SPTAN1: variants seen among roughly 807,000 people sequenced by gnomAD.
SPTAN1 encodes spectrin alpha, non-erythrocytic 1.
Under a neutral mutation model 331.3 loss-of-function variants are expected in SPTAN1, and 61 were observed. The observed-to-expected ratio is 0.18, with a 90% CI of 0.15 to 0.23. The LOEUF is 0.23. SPTAN1 is among the 10% of genes least tolerant of loss of function. The probability of loss-of-function intolerance (pLI) is 1.00; values close to 1 mark genes in which losing one functional copy is unlikely to be tolerated. For missense variants in SPTAN1, 2,043 were observed against 3,147.9 expected (o/e 0.65, Z 8.40); for synonymous variants, 1,153 against 1,173.9 (o/e 0.98, Z 0.36).
intron 1 of SPTAN1, among the ~76,000 whole-genome samples, chr9:128,564,077 C>T (rs1354807208): frequency 6.6e-6 from 1 of 151,978 alleles, no homozygotes; most frequent in African/African-American, 2.4e-5. Context: ...AGTTCAAGAC[C>T]AGCCTAGGCA....
intron 34 of SPTAN1, 141 bp from the exon 35 acceptor site, chr9:128,608,733 T>G: frequency 1.2e-6 from 1 of 841,498 alleles, no homozygotes; most frequent in Non-Finnish European, 2.0e-6. Context: ...ACACTCTTGC[T>G]TCTAAAGTGT....
chr9:128,585,487 A>G (rs1216976433), intron 18 of SPTAN1, among the ~76,000 whole-genome samples: 1 of 152,150 alleles, frequency 6.6e-6, no homozygotes, highest in Non-Finnish European at 1.5e-5. Flanking sequence ...ACTAGTCTTT[A>G]TGATACTATC....
chr9:128,617,772 G>A lies in SPTAN1; in HGVS notation c.5478+12G>A, dbSNP rs41275900. The A allele has an allele frequency of 1.4e-3, 2,234 of 1,613,634 alleles. 2 individuals are homozygous for A. The highest frequency in any genetic ancestry group is 1.7e-3 in the Non-Finnish European group (2,063 of 1,179,936). On this transcript the variant is annotated intron_variant, in intron 42 of 56. Coordinates refer to ENST00000372739, the MANE Select transcript of SPTAN1 (RefSeq NM_001130438.3). ...AGCCGGCTATTCAGGTAAGGAGGCC[G>A]CCTTCTGGCCAAGAGGGCAGAGGTG...
chr9:128,575,228 C>G lies in SPTAN1; in HGVS notation c.534C>G (p.Gly178=). The change falls in exon 5 of 57, where the codon GGC becomes GGG. Residue 178 remains glycine (G), a synonymous_variant. Coordinates refer to ENST00000372739, the MANE Select transcript of SPTAN1 (RefSeq NM_001130438.3). ...CAATTGTTACTTCTGAAGAGCTGGG[C>G]CAGGATCTGGAGCATGTAGAGGTTT... ...KEAIVTSEEL[G]QDLEHVEVLQ... 1.2e-6 allele frequency: 2 copies of G among 1,614,078 alleles called. No individual in the cohort carries two copies. The highest frequency in any genetic ancestry group is 1.7e-6 in the Non-Finnish European group (2 of 1,180,018).
rs139598593 is a variant in SPTAN1, at chr9:128,565,384, C to T, written c.-3-1354C>T. On this transcript the variant is annotated intron_variant, in intron 1 of 56. Transcript: ENST00000372739. The stretch of plus-strand genomic sequence containing the variant: ...CTTTTATAGTATAAAACATTTTGGA[C>T]TGTGGAAAAACAATAATACAACAAA... Among the ~76,000 whole-genome samples the T allele has an allele frequency of 5.7e-3, 871 of 152,294 alleles. 7 individuals carry two copies. The highest frequency in any genetic ancestry group is 8.6e-3 in the Non-Finnish European group (583 of 68,016).
intron 26 of SPTAN1, chr9:128,599,686 A>T (rs955235707): frequency 0.1 from 646 of 6,412 alleles, 11 homozygotes; most frequent in African/African-American, 0.34. Flanking sequence ...GCACAGCTCT[A>T]AAAAAAAAAA....
At chr9:128,573,557 A>G (rs1850963161) in intron 3 of SPTAN1, among the ~76,000 whole-genome samples, 1 of 152,162 alleles carries the variant, frequency 6.6e-6, no homozygotes, top group South Asian at 2.1e-4. Flanking sequence ...CCCAGGTTCA[A>G]GCAATTCTCC....
Position 128,578,135 on chromosome 9 carries a change from C to G in SPTAN1, c.1111C>G (p.Arg371Gly). 1 of 1,614,160 alleles carries G rather than the reference C, an allele frequency of 6.2e-7. No individual in the cohort carries two copies. The highest frequency in any genetic ancestry group is 8.5e-7 in the Non-Finnish European group (1 of 1,180,022). Residue 371 changes from arginine to glycine, a missense_variant, in exon 9 of 57, where the codon CGT becomes GGT. This residue lies in a region of SPTAN1 where 1,038 missense variants were observed against 1,531.5 expected (regional missense o/e 0.68). Coordinates refer to ENST00000372739, the MANE Select transcript of SPTAN1 (RefSeq NM_001130438.3). ...GCTTCAACGCTTCCTTGCTGACTTC[C>G]GTGACCTCACCAGCTGGGTGACTGA... ...YRLQRFLADF[R>G]DLTSWVTEMK...
intron 24 of SPTAN1, among the ~76,000 whole-genome samples, chr9:128,595,051 C>T (rs1297994137): frequency 3.3e-5 from 5 of 151,742 alleles, no homozygotes; most frequent in Non-Finnish European, 4.4e-5. Flanking sequence ...CTCAGGTGAT[C>T]CGCCTGCCTC....
chr9:128,563,086 C>T (rs1849612034), intron 1 of SPTAN1, among the ~76,000 whole-genome samples: 1 of 148,310 alleles, frequency 6.7e-6, no homozygotes, highest in South Asian at 2.1e-4. Flanking sequence ...AAGGTCACTC[C>T]CAGTTTTTGG....
intron 37 of SPTAN1, 125 bp from the exon 38 acceptor site, chr9:128,611,589 A>G: frequency 1.8e-6 from 2 of 1,103,462 alleles, no homozygotes; most frequent in Non-Finnish European, 2.7e-6. Context: ...CTTCTGTTAA[A>G]AACGTTGGCA....
Position 128,633,454 on chromosome 9 carries a change from CTT to C in SPTAN1, c.*121_*122del. On this transcript the variant is annotated 3_prime_UTR_variant, in exon 57 of 57. Transcript: ENST00000372739. The stretch of plus-strand genomic sequence containing the variant: ...TAAGCCTGCTTAGCTTGGAATAAGA[CTT>C]AGGAGAAAATGGTGCTTCACTAACC... 3.2e-6 allele frequency: 5 copies of C among 1,538,838 alleles called. No individual in the cohort carries two copies. The South Asian group carries it at 4.5e-5, about 14-fold the overall frequency.
intron 52 of SPTAN1, among the ~76,000 whole-genome samples, chr9:128,631,068 C>G (rs1381965966): frequency 6.6e-6 from 1 of 152,102 alleles, no homozygotes; most frequent in East Asian, 1.9e-4. Flanking sequence ...CGGTCTGGAA[C>G]TCCTGATCTC....
At chr9:128,622,129 A>G (rs1857946545) in intron 45 of SPTAN1, 1 of 152,234 alleles carries the variant, frequency 6.6e-6, no homozygotes, top group South Asian at 2.1e-4. Context: ...CTGATCTGCA[A>G]ATAAACTTGC....
At chr9:128,607,540 C>T in intron 31 of SPTAN1, 64 bp from the exon 32 acceptor site, 2 of 1,367,228 alleles carry the variant, frequency 1.5e-6, no homozygotes, top group Non-Finnish European at 2.1e-6. Context: ...TCTCTGTTTT[C>T]CTGGGCAGAA....
chr9:128,610,778 A>C (rs1254834755), intron 37 of SPTAN1, among the ~76,000 whole-genome samples: 1 of 152,172 alleles, frequency 6.6e-6, no homozygotes, highest in African/African-American at 2.4e-5. Flanking sequence ...CCAGTAAAAT[A>C]AATTCCTTCC....
intron 44 of SPTAN1, 74 bp from the exon 45 acceptor site, chr9:128,621,084 C>T (rs1857789571): frequency 7.5e-7 from 1 of 1,340,942 alleles, no homozygotes; most frequent in Non-Finnish European, 1.1e-6. Flanking sequence ...AGTTTTGTCA[C>T]TCTCTGTCCC....
At chr9:128,578,356 G>A (rs1012207232) in intron 9 of SPTAN1, 111 bp downstream of exon 9, 3 of 1,449,258 alleles carry the variant, frequency 2.1e-6, no homozygotes, top group African/African-American at 1.4e-5. Context: ...TTATTCACAG[G>A]TGTTTCTCAT....
Position 128,632,579 on chromosome 9 carries a change from G to C in SPTAN1, c.7021G>C (p.Asp2341His). 1.2e-6 allele frequency: 2 copies of C among 1,614,094 alleles called. No individual in the cohort carries two copies. Among genetic ancestry groups the C allele is most frequent in the South Asian group, 1.1e-5 (1 of 91,086 alleles). ...CTCGGCTTTGTGCTGCAGACACTTT[G>C]ACAAGGACAAGTCTGGCAGGCTGAA... ...KEFSMMFKHF[D>H]KDKSGRLNHQ... Residue 2341 changes from aspartate (D) to histidine (H), a missense_variant, in exon 55 of 57, where the codon GAC (aspartate) becomes CAC (histidine). By Grantham distance (81) the Asp-to-His change is moderately conservative (BLOSUM62 -1). Around this residue, in one of 12 missense-constraint regions of SPTAN1, gnomAD observed 58 missense variants for 74.0 expected, o/e 0.78. Coordinates refer to ENST00000372739, the MANE Select transcript of SPTAN1 (RefSeq NM_001130438.3).
Sources: allele counts gnomAD v4.1 joint callset (sites outside exome capture counted in the v4.1 genomes callset), GRCh38; gene constraint gnomAD v4.1.1; regional missense constraint gnomAD v4.1.1; transcripts MANE v1.5; gene names NCBI Gene and HGNC (gene_info 2026-07-23, HGNC 2026-07-21).